SESN1: variants seen among roughly 807,000 people sequenced by gnomAD.
SESN1 encodes sestrin-1.
A neutral mutation model predicts 59.3 loss-of-function variants in SESN1; 30 were observed. The ratio of observed to expected loss-of-function variants is 0.51; its 90% confidence interval spans 0.38 to 0.69. The LOEUF (loss-of-function observed/expected upper bound fraction) is 0.69. Among genes scored for constraint, SESN1 ranks in the 30% least tolerant of loss-of-function variants. The pLI, the probability that SESN1 is intolerant of heterozygous loss-of-function variation, is 0.00. For synonymous variants in SESN1, 197 were observed against 219.9 expected, an observed-to-expected ratio of 0.90 and a Z score of 0.92; for missense variants, 566 against 673.0, an observed-to-expected ratio of 0.84 and a Z score of 1.76.
chr6:109,057,258 T>C (rs1287196972), intron 1 of SESN1, among the ~76,000 whole-genome samples: 1 of 152,236 alleles, frequency 6.6e-6, no homozygotes, highest in Non-Finnish European at 1.5e-5. Context: ...TAATCTGATA[T>C]GTTTTAGGGT....
chr6:108,997,425 A>G (rs1779522039), intron 5 of SESN1, among the ~76,000 whole-genome samples: 1 of 152,176 alleles, frequency 6.6e-6, no homozygotes, highest in African/African-American at 2.4e-5. Context: ...ACATGAATCT[A>G]GGCAGCTCAA....
chr6:108,996,554 C>T (rs941049284), intron 5 of SESN1, among the ~76,000 whole-genome samples: 2 of 151,682 alleles, frequency 1.3e-5, no homozygotes, highest in African/African-American at 4.9e-5. Flanking sequence ...AAAGGTAATT[C>T]TTGATAAATT....
intron 1 of SESN1, among the ~76,000 whole-genome samples, chr6:109,087,264 G>A (rs1781228225): frequency 6.6e-6 from 1 of 151,962 alleles, no homozygotes; most frequent in African/African-American, 2.4e-5. Flanking sequence ...TTATAAAGAA[G>A]ACACTGAGTA....
At chr6:109,090,261 A>G (rs539404333) in intron 1 of SESN1, among the ~76,000 whole-genome samples, 3 of 152,218 alleles carry the variant, frequency 2.0e-5, no homozygotes, top group Admixed American at 2.0e-4. Flanking sequence ...TAGAGTTAAT[A>G]AAGTACAGTC....
At chr6:109,004,433 A>G (rs1452122464) in intron 1 of SESN1, among the ~76,000 whole-genome samples, 1 of 151,878 alleles carries the variant, frequency 6.6e-6, no homozygotes, top group Non-Finnish European at 1.5e-5. Flanking sequence ...AAAATCCCCA[A>G]CAATCTTTTT....
At chr6:109,040,368 G>T (rs1338186200) in intron 1 of SESN1, among the ~76,000 whole-genome samples, 2 of 152,160 alleles carry the variant, frequency 1.3e-5, no homozygotes, top group Admixed American at 6.5e-5. Flanking sequence ...AATTACTGGG[G>T]TTGAAGAAGG....
chr6:109,059,122 T>C (rs908037891), intron 1 of SESN1, among the ~76,000 whole-genome samples: 6 of 150,386 alleles, frequency 4.0e-5, no homozygotes, highest in Non-Finnish European at 7.4e-5. Flanking sequence ...CACACATAAT[T>C]TACAGATAAC....
intron 9 of SESN1, 140 bp from the exon 10 acceptor site, chr6:108,987,770 T>C (rs1779238613): frequency 2.1e-6 from 1 of 472,782 alleles, no homozygotes; most frequent in Non-Finnish European, 3.7e-6. Flanking sequence ...CTTGGGTTTG[T>C]TGAACAGATT....
chr6:109,066,485 A>C (rs749890858), intron 1 of SESN1, among the ~76,000 whole-genome samples: 17 of 152,148 alleles, frequency 1.1e-4, no homozygotes, highest in Non-Finnish European at 2.1e-4. Flanking sequence ...ATGTGGGTCT[A>C]CTCTATTTCC....
intron 1 of SESN1, among the ~76,000 whole-genome samples, chr6:109,047,978 G>C (rs1431756230): frequency 1.4e-5 from 2 of 147,834 alleles, no homozygotes. Flanking sequence ...AGGGTCCTCT[G>C]CCTAGGAAAA....
chr6:109,013,971 C>G (rs150247090), intron 1 of SESN1, among the ~76,000 whole-genome samples: 1 of 151,256 alleles, frequency 6.6e-6, no homozygotes, highest in African/African-American at 2.4e-5. Context: ...CCTTTTAGCA[C>G]TGAACTTTAA....
intron 1 of SESN1, among the ~76,000 whole-genome samples, chr6:109,016,495 A>T (rs1461002271): frequency 1.3e-5 from 2 of 152,122 alleles, no homozygotes; most frequent in Non-Finnish European, 2.9e-5. Flanking sequence ...TAAGTTGTAG[A>T]TTCTTAACCT....
At chr6:109,018,262 C>A (rs1260748506) in intron 1 of SESN1, among the ~76,000 whole-genome samples, 1 of 152,144 alleles carries the variant, frequency 6.6e-6, no homozygotes, top group African/African-American at 2.4e-5. Context: ...ATGGAGACTG[C>A]CAAAACAACA....
In SESN1 at chr6:108,984,893, G is replaced by C. The variant is rs1779142024; in HGVS notation, c.*2651C>G. On this transcript the variant is annotated 3_prime_UTR_variant, in exon 10 of 10. Transcript: ENST00000436639. ...TTCCTGGCTTTGCATTTGCCTAAAT[G>C]CTGCAGTTTCCCAATTGGTTTCTAG... 6.6e-6 allele frequency among the ~76,000 whole-genome samples: 1 copy of C among 152,038 alleles called. No individual in the cohort carries two copies. The highest frequency in any genetic ancestry group is 6.6e-5 in the Admixed American group (1 of 15,266).
chr6:109,071,735 T>C (rs1371669941), intron 1 of SESN1, among the ~76,000 whole-genome samples: 1 of 152,164 alleles, frequency 6.6e-6, no homozygotes, highest in Non-Finnish European at 1.5e-5. Flanking sequence ...ACTGCAAGAA[T>C]GTGTCTTGTA....
intron 1 of SESN1, chr6:109,008,703 T>C: frequency 1.2e-6 from 1 of 855,606 alleles, no homozygotes; most frequent in Non-Finnish European, 1.4e-6. Flanking sequence ...AATGGTTTCC[T>C]ATTTGCAACC....
At chr6:108,994,698 CTTTTTTTTTTTT>C in intron 5 of SESN1, 89 bp from the exon 6 acceptor site, 2 of 292,748 alleles carry the variant, frequency 6.8e-6, no homozygotes, top group South Asian at 3.6e-5. Flanking sequence ...GAATTTATAT[CTTTTTTTTTTTT>C]TTTTTTTTTT....
chr6:108,990,891 T>C, intron 7 of SESN1, 56 bp from the exon 8 acceptor site: 2 of 1,432,072 alleles, frequency 1.4e-6, no homozygotes, highest in Non-Finnish European at 9.7e-7. Context: ...CAGTTCTATA[T>C]CTATAGCTCT....
chr6:109,069,721 A>AT (rs1397698111), intron 1 of SESN1, among the ~76,000 whole-genome samples: 9 of 149,876 alleles, frequency 6.0e-5, no homozygotes, highest in Non-Finnish European at 1.2e-4. Flanking sequence ...TTTACTTTTT[A>AT]TTTTTTTGTT....
Sources: gnomAD v4.1 joint callset for allele counts (sites outside exome capture counted in the v4.1 genomes callset) on GRCh38, gnomAD v4.1.1 for gene constraint, MANE v1.5 for transcripts, NCBI Gene and HGNC (gene_info 2026-07-23, HGNC 2026-07-21) for gene names.